TVP23A: variants seen among roughly 807,000 people sequenced by gnomAD.
The protein encoded by TVP23A is trans-golgi network vesicle protein 23 homolog A, also known as Golgi apparatus membrane protein TVP23 homolog A.
Under a neutral mutation model 31.7 loss-of-function variants are expected in TVP23A, and 21 were observed. That is an observed-to-expected ratio of 0.66 (90% CI 0.47 to 0.95). The LOEUF (loss-of-function observed/expected upper bound fraction) is 0.95. Ranked by LOEUF, TVP23A falls within the 40% of genes least tolerant of loss-of-function variation. The probability of loss-of-function intolerance (pLI) is 0.00; values close to 1 mark genes in which losing one functional copy is unlikely to be tolerated. For synonymous variants in TVP23A, 104 were observed against 96.0 expected (o/e 1.08, Z -0.49); for missense variants, 279 against 255.6 (o/e 1.09, Z -0.62).
At chr16:10,806,001 T>G (rs991418675) in intron 2 of TVP23A, among the ~76,000 whole-genome samples, 1 of 152,156 alleles carries the variant, frequency 6.6e-6, no homozygotes, top group Non-Finnish European at 1.5e-5. Flanking sequence ...GGACAGATAA[T>G]GACCTGGCCC....
downstream of TVP23A, among the ~76,000 whole-genome samples, chr16:10,757,664 G>A (rs1035849598): frequency 1.3e-5 from 2 of 152,166 alleles, no homozygotes; most frequent in African/African-American, 4.8e-5. The surrounding 1 kb of genome is among the most constrained non-coding windows in gnomAD (Gnocchi z 4.1). Context: ...AAAAAGATCA[G>A]ATCATGCTTC....
chr16:10,816,432 C>G (rs1001649625), intron 2 of TVP23A, among the ~76,000 whole-genome samples: 9 of 151,894 alleles, frequency 5.9e-5, no homozygotes, highest in African/African-American at 2.2e-4. Context: ...CTCCCGGGTT[C>G]AAGTGATTCT....
chr16:10,817,712 C>T (rs772713699), intron 2 of TVP23A, among the ~76,000 whole-genome samples: 2 of 152,224 alleles, frequency 1.3e-5, no homozygotes, highest in Non-Finnish European at 2.9e-5. Flanking sequence ...GCTTGGAACA[C>T]TCTCCCTCTG....
chr16:10,775,405 C>T (rs959207015), intron 2 of TVP23A: 3 of 1,150,010 alleles, frequency 2.6e-6, no homozygotes, highest in Non-Finnish European at 2.2e-6. Context: ...AACGTGACAG[C>T]AGTCACTGCC....
intron 2 of TVP23A, among the ~76,000 whole-genome samples, chr16:10,792,753 CCTT>C (rs1474703534): frequency 1.3e-5 from 2 of 152,244 alleles, no homozygotes; most frequent in Admixed American, 1.3e-4. Flanking sequence ...GCTCCATCAT[CCTT>C]CTGAAACGGG....
At chr16:10,771,855 G>A in intron 5 of TVP23A, 57 bp from the exon 6 acceptor site, 2 of 1,537,398 alleles carry the variant, frequency 1.3e-6, no homozygotes, top group Non-Finnish European at 8.8e-7. Context: ...GTTTCGCTCT[G>A]TCGCCCAGGC....
At chr16:10,816,998 T>G (rs1258207281) in intron 2 of TVP23A, among the ~76,000 whole-genome samples, 1 of 149,624 alleles carries the variant, frequency 6.7e-6, no homozygotes, top group South Asian at 2.1e-4. Flanking sequence ...GATGTGAACA[T>G]GCTATAACAC....
chr16:10,776,604 C>T (rs1452544708), intron 2 of TVP23A, among the ~76,000 whole-genome samples: 1 of 152,076 alleles, frequency 6.6e-6, no homozygotes, highest in Non-Finnish European at 1.5e-5. Flanking sequence ...GGTTTCAGAT[C>T]CAGACCCCAA....
At chr16:10,792,223 C>T (rs1596537638) in intron 2 of TVP23A, among the ~76,000 whole-genome samples, 1 of 152,186 alleles carries the variant, frequency 6.6e-6, no homozygotes, top group Non-Finnish European at 1.5e-5. Context: ...AAACTCATTC[C>T]TTATGTGTGT....
At chr16:10,784,107 G>T (rs145740889) in intron 2 of TVP23A, among the ~76,000 whole-genome samples, 67 of 152,214 alleles carry the variant, frequency 4.4e-4, no homozygotes, top group Non-Finnish European at 8.4e-4. Context: ...GGCCTAGGGG[G>T]CAGATAGCTT....
intron 2 of TVP23A, among the ~76,000 whole-genome samples, chr16:10,795,310 G>C (rs533450624): frequency 1.3e-5 from 2 of 151,736 alleles, no homozygotes; most frequent in Admixed American, 6.6e-5. Flanking sequence ...GAGTGCAGTG[G>C]CATGATCTTG....
intron 2 of TVP23A, among the ~76,000 whole-genome samples, chr16:10,806,722 G>A (rs980960010): frequency 1.3e-5 from 2 of 152,026 alleles, no homozygotes; most frequent in African/African-American, 4.8e-5. Flanking sequence ...GGCTGGTCTC[G>A]AACTCCTGAG....
chr16:10,780,843 A>G (rs1049905010), intron 2 of TVP23A, among the ~76,000 whole-genome samples: 2 of 152,046 alleles, frequency 1.3e-5, no homozygotes, highest in African/African-American at 4.8e-5. Flanking sequence ...ACCAAGAGCC[A>G]AACTGTGAAA....
rs964081026 is a variant in TVP23A at position 10,783,110 on chromosome 16, G to A, written c.90-8014C>T. ...GTAGTGATTGGGAAGGGATATGAGG[G>A]AGACTTCTGGATGCTGGGATGTTCT... On this transcript the variant is annotated intron_variant, in intron 2 of 7. Transcript: ENST00000299866. Among the ~76,000 whole-genome samples the A allele has an allele frequency of 2.6e-5, 4 of 152,266 alleles. No homozygotes were observed. In the South Asian group the frequency reaches 8.3e-4, roughly 32 times the overall value.
intron 2 of TVP23A, among the ~76,000 whole-genome samples, chr16:10,784,611 A>G (rs1005247722): frequency 1.3e-5 from 2 of 152,060 alleles, no homozygotes; most frequent in Admixed American, 6.6e-5. Context: ...ACCTCATAAA[A>G]TGTACAACAT....
At chr16:10,816,925 T>TCA (rs58142989) in intron 2 of TVP23A, among the ~76,000 whole-genome samples, 7,893 of 145,822 alleles carry the variant, frequency 0.054, 446 homozygotes, top group Admixed American at 0.13. Flanking sequence ...CAGGGAAACT[T>TCA]CACACACACA....
intron 2 of TVP23A, among the ~76,000 whole-genome samples, chr16:10,788,415 C>T (rs2032897621): frequency 6.6e-6 from 1 of 152,052 alleles, no homozygotes; most frequent in East Asian, 1.9e-4. Flanking sequence ...GCTGGGACTA[C>T]AGGCGCCCGC....
At position 10,768,347 on chromosome 16, in the gene TVP23A, A is replaced by C. The variant is rs183687841; in HGVS notation, c.*755T>G. 408 of 189,306 alleles carry C rather than the reference A, an allele frequency of 2.2e-3. 1 individual carries two copies. The highest frequency in any genetic ancestry group is 4.1e-3 in the Admixed American group (72 of 17,546). The allele number at this position is 189,306 out of a possible 1,614,324, so 11.7% of individuals were successfully genotyped here. On this transcript the variant is annotated 3_prime_UTR_variant, in exon 8 of 8. Coordinates refer to ENST00000299866, the MANE Select transcript of TVP23A (RefSeq NM_001079512.4). This position sits in a 1 kb window ranked among gnomAD's most constrained non-coding sequence, Gnocchi z 4.3. ...GCCAGGTGCAGTGGCTCACACCTGG[A>C]ATCCCAGCACTTTGGGTGAAGGAGG...
chr16:10,762,084 G>A (rs554565293), downstream of TVP23A: 1 of 475,936 alleles, frequency 2.1e-6, no homozygotes, highest in Non-Finnish European at 3.8e-6. Flanking sequence ...AGGCAGAGGG[G>A]TGAGGCCTGG....
Sources: allele counts gnomAD v4.1 joint callset (sites outside exome capture counted in the v4.1 genomes callset), GRCh38; gene constraint gnomAD v4.1.1; non-coding constraint Gnocchi (gnomAD v3.1); transcripts MANE v1.5; gene names NCBI Gene and HGNC (gene_info 2026-07-23, HGNC 2026-07-21).